Variants in SASH1 observed in about 807,000 individuals in gnomAD.
SASH1 encodes SAM and SH3 domain-containing protein 1.
Under a neutral mutation model 125.2 loss-of-function variants are expected in SASH1, and 44 were observed. The observed-to-expected ratio is 0.35, with a 90% CI of 0.28 to 0.45. SASH1 has a LOEUF of 0.45. Among genes scored for constraint, SASH1 ranks in the 20% least tolerant of loss-of-function variants. SASH1 has a pLI of 1.00. For missense variants in SASH1, 1,426 were observed against 1,614.5 expected, an observed-to-expected ratio of 0.88 and a Z score of 2.00; for synonymous variants, 639 against 649.1, an observed-to-expected ratio of 0.98 and a Z score of 0.24.
chr6:148,396,478 G>GAAAAAAAA (rs61277112), intron 2 of SASH1, among the ~76,000 whole-genome samples: 277 of 63,702 alleles, frequency 4.3e-3, no homozygotes, highest in Non-Finnish European at 5.2e-3. Flanking sequence ...CTGCATCTCA[G>GAAAAAAAA]AAAAAAAAAA....
chr6:148,206,662 T>C, the SASH1 span, among the ~76,000 whole-genome samples: 98,524 of 151,434 alleles, frequency 0.65, 32,687 homozygotes, highest in African/African-American at 0.77. Context: ...TGATGGTAGG[T>C]GCCTGAAATA....
chr6:148,416,384 A>T (rs1431496534), intron 2 of SASH1, among the ~76,000 whole-genome samples: 1 of 151,996 alleles, frequency 6.6e-6, no homozygotes, highest in Non-Finnish European at 1.5e-5. Context: ...CTTTTTGAGG[A>T]ATTTTCAGTG....
At chr6:148,381,579 G>T (rs1196525712) in intron 1 of SASH1, among the ~76,000 whole-genome samples, 2 of 148,748 alleles carry the variant, frequency 1.3e-5, no homozygotes, top group African/African-American at 5.0e-5. Flanking sequence ...CATGGCTGTT[G>T]CCTAGGAAGC....
intron 4 of SASH1, among the ~76,000 whole-genome samples, chr6:148,449,078 C>CATTTTTTTTTTTTTTTTTTTTTTT (rs763181287): frequency 1.1e-5 from 1 of 88,736 alleles, no homozygotes; most frequent in Non-Finnish European, 2.3e-5. Context: ...CATTTCATTT[C>CATTTTTTTTTTTTTTTTTTTTTTT]TTTTTTTTTT....
At chr6:148,195,262 G>A in the SASH1 span, among the ~76,000 whole-genome samples, 1 of 152,070 alleles carries the variant, frequency 6.6e-6, no homozygotes, top group Non-Finnish European at 1.5e-5. Context: ...GGTTTTTTCT[G>A]CATGTCCTCC....
At chr6:148,293,961 G>A (rs1779700066) in intron 1 of SASH1, among the ~76,000 whole-genome samples, 1 of 152,226 alleles carries the variant, frequency 6.6e-6, no homozygotes, top group Non-Finnish European at 1.5e-5. Flanking sequence ...AATAGTCATT[G>A]GCCTAATTTG....
intron 11 of SASH1, among the ~76,000 whole-genome samples, chr6:148,526,593 A>C (rs192696733): frequency 5.9e-5 from 9 of 152,312 alleles, no homozygotes; most frequent in Non-Finnish European, 1.0e-4. Context: ...CTTTTTTAGA[A>C]ATGAGAGAAA....
At chr6:148,418,807 C>T (rs1050074215) in intron 2 of SASH1, among the ~76,000 whole-genome samples, 3 of 138,178 alleles carry the variant, frequency 2.2e-5, no homozygotes, top group African/African-American at 5.5e-5. Context: ...CAGGAGGAGG[C>T]AGCATCTTTA....
chr6:148,524,115 A>ATTTT (rs1379430620), intron 10 of SASH1, among the ~76,000 whole-genome samples: 85 of 52,726 alleles, frequency 1.6e-3, no homozygotes, highest in African/African-American at 4.8e-3. Context: ...ATATATATAT[A>ATTTT]TATATATTTT....
intron 1 of SASH1, among the ~76,000 whole-genome samples, chr6:148,360,371 A>G (rs9485285): frequency 0.91 from 134,270 of 146,824 alleles, 61,402 homozygotes; most frequent in African/African-American, 0.94. Context: ...TTTTCGAGAC[A>G]GAGTCTTGCT....
chr6:148,292,391 G>A (rs1465470647), intron 1 of SASH1, among the ~76,000 whole-genome samples: 5 of 152,132 alleles, frequency 3.3e-5, no homozygotes, highest in Non-Finnish European at 7.3e-5. Flanking sequence ...GCTTTATCCT[G>A]GGATATGGGC....
chr6:148,522,674 C>T (rs927012839), intron 10 of SASH1, among the ~76,000 whole-genome samples: 3 of 152,312 alleles, frequency 2.0e-5, no homozygotes, highest in Non-Finnish European at 2.9e-5. Flanking sequence ...ATGGCCATTC[C>T]ATTGACTAGC....
At chr6:148,547,361 G>A (rs1782634314) in intron 19 of SASH1, among the ~76,000 whole-genome samples, 1 of 152,176 alleles carries the variant, frequency 6.6e-6, no homozygotes, top group Non-Finnish European at 1.5e-5. Context: ...ACAGAGCTGG[G>A]TGGTGTGAGA....
chr6:148,230,769 T>C, the SASH1 span, among the ~76,000 whole-genome samples: 2 of 152,214 alleles, frequency 1.3e-5, no homozygotes, highest in African/African-American at 4.8e-5. Flanking sequence ...CTTTGTCCAT[T>C]TGTCTTCTTT....
At chr6:148,275,183 C>T (rs977450804) in intron 1 of SASH1, among the ~76,000 whole-genome samples, 5 of 152,136 alleles carry the variant, frequency 3.3e-5, no homozygotes, top group South Asian at 2.1e-4. Context: ...AAAGAACTTG[C>T]GTCATATTGT....
the SASH1 span, among the ~76,000 whole-genome samples, chr6:148,263,011 G>T: frequency 3.4e-4 from 51 of 152,200 alleles, no homozygotes; most frequent in Non-Finnish European, 6.0e-4. Context: ...TGGAACCTCT[G>T]GGGGAGGCAA....
chr6:148,532,011 C>CTGA lies in SASH1; in HGVS notation c.1564+352_1564+354dup, dbSNP rs1162657101. On this transcript the variant is annotated intron_variant, in intron 13 of 19. Coordinates refer to ENST00000367467, the MANE Select transcript of SASH1 (RefSeq NM_015278.5). This position sits in a 1 kb window ranked among gnomAD's most constrained non-coding sequence, Gnocchi z 4.7. ...GAAGGGAGGGGAATTTTATATGTGA[C>CTGA]TGATAAATTCGGGCCAATGGTAGTT... Among the ~76,000 whole-genome samples, 2 of 152,094 alleles carry CTGA rather than the reference C, an allele frequency of 1.3e-5. No individual in the cohort carries two copies. Among genetic ancestry groups the CTGA allele is most frequent in the Non-Finnish European group, 2.9e-5 (2 of 68,020 alleles).
intron 1 of SASH1, among the ~76,000 whole-genome samples, chr6:148,280,834 GAGAGAGAA>G (rs1779319825): frequency 6.6e-6 from 1 of 152,126 alleles, no homozygotes; most frequent in South Asian, 2.1e-4. Flanking sequence ...AAGAGACAGA[GAGAGAGAA>G]AGAGAGAAAA....
chr6:148,252,032 TAA>T, the SASH1 span, among the ~76,000 whole-genome samples: 2 of 152,112 alleles, frequency 1.3e-5, no homozygotes, highest in African/African-American at 4.8e-5. Flanking sequence ...AGCTACACGT[TAA>T]GTCTTAGCCT....
Sources: allele counts gnomAD v4.1 joint callset (sites outside exome capture counted in the v4.1 genomes callset), GRCh38; gene constraint gnomAD v4.1.1; non-coding constraint Gnocchi (gnomAD v3.1); transcripts MANE v1.5; gene names NCBI Gene and HGNC (gene_info 2026-07-23, HGNC 2026-07-21).